ATP8A2: variants seen among roughly 807,000 people sequenced by gnomAD.
ATP8A2 encodes the protein ATPase phospholipid transporting 8A2.
A neutral mutation model predicts 165.6 loss-of-function variants in ATP8A2; 100 were observed. The ratio of observed to expected loss-of-function variants is 0.60; its 90% CI spans 0.51 to 0.71. The LOEUF is 0.71. Ranked by LOEUF, ATP8A2 falls within the 30% of genes least tolerant of loss-of-function variation. The pLI is 0.00. For synonymous variants in ATP8A2, 543 were observed against 548.8 expected, an observed-to-expected ratio of 0.99 and a Z score of 0.15; for missense variants, 1,227 against 1,479.5, an observed-to-expected ratio of 0.83 and a Z score of 2.80.
chr13:25,424,978 G>C (rs1235321883), intron 1 of ATP8A2, among the ~76,000 whole-genome samples: 7 of 152,078 alleles, frequency 4.6e-5, no homozygotes, highest in African/African-American at 7.2e-5. Context: ...AATAAAGATG[G>C]CTTGATTTAT....
intron 33 of ATP8A2, among the ~76,000 whole-genome samples, chr13:25,899,530 T>C (rs1186826002): frequency 6.6e-6 from 1 of 152,112 alleles, no homozygotes; most frequent in Non-Finnish European, 1.5e-5. Context: ...GCAGGGATAA[T>C]AGAGGCCTCC....
At chr13:25,637,685 G>A (rs1038614785) in intron 24 of ATP8A2, among the ~76,000 whole-genome samples, 1 of 152,130 alleles carries the variant, frequency 6.6e-6, no homozygotes, top group Non-Finnish European at 1.5e-5. Context: ...CTGGGGGCAG[G>A]GCATAGCCAA....
At chr13:25,735,804 A>T (rs1593269154) in intron 25 of ATP8A2, among the ~76,000 whole-genome samples, 1 of 152,234 alleles carries the variant, frequency 6.6e-6, no homozygotes, top group African/African-American at 2.4e-5. Flanking sequence ...CAAATACTTT[A>T]TTTTTCATAA....
At chr13:25,844,368 T>C (rs1951812150) in intron 30 of ATP8A2, among the ~76,000 whole-genome samples, 1 of 152,060 alleles carries the variant, frequency 6.6e-6, no homozygotes, top group African/African-American at 2.4e-5. Flanking sequence ...GTAGCTGGAA[T>C]TACAGGCTCA....
At chr13:25,979,776 G>A (rs1956140761) in intron 35 of ATP8A2, among the ~76,000 whole-genome samples, 1 of 152,208 alleles carries the variant, frequency 6.6e-6, no homozygotes, top group Non-Finnish European at 1.5e-5. Flanking sequence ...TGGCTCCTGG[G>A]AGGAAAATGA....
At chr13:25,638,537 CGAGAA>C (rs1350319833) in intron 24 of ATP8A2, among the ~76,000 whole-genome samples, 1 of 151,872 alleles carries the variant, frequency 6.6e-6, no homozygotes, top group Non-Finnish European at 1.5e-5. Flanking sequence ...TGAAATGAAG[CGAGAA>C]GAGAAGTTTA....
chr13:25,605,954 A>G (rs751818519), intron 24 of ATP8A2, among the ~76,000 whole-genome samples: 3 of 152,172 alleles, frequency 2.0e-5, no homozygotes, highest in Non-Finnish European at 4.4e-5. Context: ...TAACACACGT[A>G]TGTACATATA....
At chr13:25,663,003 C>T (rs1386527992) in intron 24 of ATP8A2, among the ~76,000 whole-genome samples, 2 of 152,194 alleles carry the variant, frequency 1.3e-5, no homozygotes, top group East Asian at 3.9e-4. Flanking sequence ...GATGGCTGCC[C>T]TTCCCTGTGC....
Position 25,380,014 on chromosome 13 carries a change from C to G in ATP8A2, c.76+7726C>G, listed in dbSNP as rs535937655. ...TGGGCAGGCAACTGAGAAGGGTTCT[C>G]GGGTAAGAATAAACTGGGCTGGATG... is the stretch of plus-strand genomic sequence containing the variant. On this transcript the variant is annotated intron_variant, in intron 1 of 36. Coordinates refer to ENST00000381655, the MANE Select transcript of ATP8A2 (RefSeq NM_016529.6). Among the ~76,000 whole-genome samples the G allele has an allele frequency of 5.3e-5, 8 of 152,174 alleles. No individual in the cohort carries two copies. In the South Asian group the frequency reaches 1.7e-3, roughly 32 times the overall value.
intron 24 of ATP8A2, among the ~76,000 whole-genome samples, chr13:25,698,288 A>G (rs1202589049): frequency 6.6e-6 from 1 of 151,076 alleles, no homozygotes; most frequent in Non-Finnish European, 1.5e-5. Context: ...TGGTGTGCTC[A>G]GTGTTCACTA....
At chr13:25,378,078 G>A (rs575874635) in intron 1 of ATP8A2, among the ~76,000 whole-genome samples, 2 of 151,930 alleles carry the variant, frequency 1.3e-5, no homozygotes, top group Non-Finnish European at 2.9e-5. Flanking sequence ...CTGCACCAGT[G>A]CATTCCAGCC....
intron 2 of ATP8A2, among the ~76,000 whole-genome samples, chr13:25,524,912 TTCCTTCCTTCCTTC>T (rs2037791271): frequency 6.6e-6 from 1 of 150,900 alleles, no homozygotes; most frequent in Non-Finnish European, 1.5e-5. Flanking sequence ...CCTTCCTTCC[TTCCTTCCTTCCTTC>T]CTTCCTTCCT....
chr13:25,464,446 T>TTAA (rs573850754), intron 1 of ATP8A2, among the ~76,000 whole-genome samples: 14 of 127,464 alleles, frequency 1.1e-4, no homozygotes, highest in African/African-American at 3.6e-4. Context: ...CATCTCTATC[T>TTAA]AAAAAAAAAA....
chr13:25,455,081 C>G (rs1308592570), intron 1 of ATP8A2, among the ~76,000 whole-genome samples: 1 of 152,158 alleles, frequency 6.6e-6, no homozygotes, highest in African/African-American at 2.4e-5. Context: ...CATGGAGTTC[C>G]GTTTCAGAGG....
chr13:25,423,014 G>T (rs1382764880), intron 1 of ATP8A2, among the ~76,000 whole-genome samples: 2 of 152,096 alleles, frequency 1.3e-5, no homozygotes, highest in Non-Finnish European at 2.9e-5. Flanking sequence ...ATTTGTCAGG[G>T]TTATCTTAAC....
intron 24 of ATP8A2, among the ~76,000 whole-genome samples, chr13:25,678,017 A>G (rs1404202327): frequency 2.0e-5 from 3 of 152,210 alleles, no homozygotes; most frequent in Non-Finnish European, 2.9e-5. Flanking sequence ...GATGGAAAGA[A>G]TGCAGGAATG....
chr13:25,837,284 A>G lies in ATP8A2; in HGVS notation c.2876A>G (p.Lys959Arg), dbSNP rs749726292. Residue 959 changes from lysine (K) to arginine (R), a missense_variant and splice_region_variant, in exon 29 of 37, where the codon AAG becomes AGG. Transcript: ENST00000381655. ...CAGAATGGCGAAGGCTTCAACACAAAGGTAAACAGAGTGTGATCTCAGAAC... is the reference window on the plus strand; with the variant it reads ...CAGAATGGCGAAGGCTTCAACACAAGGGTAAACAGAGTGTGATCTCAGAAC... Reference protein sequence around the residue: ...ITQNGEGFNTKVFWGHCINAL... With the variant: ...ITQNGEGFNTRVFWGHCINAL... 8 of 1,614,054 alleles carry G rather than the reference A, an allele frequency of 5.0e-6. No homozygotes were observed. The highest frequency in any genetic ancestry group is 5.9e-6 in the Non-Finnish European group (7 of 1,179,968).
chr13:25,388,240 G>A (rs569837095), intron 1 of ATP8A2, among the ~76,000 whole-genome samples: 1 of 152,244 alleles, frequency 6.6e-6, no homozygotes, highest in South Asian at 2.1e-4. Flanking sequence ...GTGAAAAGAA[G>A]AAAGCTGGCT....
intron 25 of ATP8A2, among the ~76,000 whole-genome samples, chr13:25,720,167 C>CTTTTTT (rs1007404557): frequency 4.5e-4 from 53 of 117,246 alleles, no homozygotes; most frequent in African/African-American, 6.5e-4. Context: ...TATACTTTTT[C>CTTTTTT]TTTTTTTTTT....
Sources: gnomAD v4.1 joint callset for allele counts (sites outside exome capture counted in the v4.1 genomes callset) on GRCh38, gnomAD v4.1.1 for gene constraint, MANE v1.5 for transcripts, NCBI Gene and HGNC (gene_info 2026-07-23, HGNC 2026-07-21) for gene names.